EPHA3: variants seen among roughly 807,000 people sequenced by gnomAD.
The protein encoded by EPHA3 is ephrin type-A receptor 3.
EPHA3 carries 42 observed loss-of-function variants against 107.1 expected under a neutral mutation model. That is an observed-to-expected ratio of 0.39 (90% CI 0.31 to 0.51). EPHA3 has a LOEUF of 0.51. Ranked by LOEUF, EPHA3 falls within the 20% of genes least tolerant of loss-of-function variation. The pLI is 0.78. For synonymous variants in EPHA3, 461 were observed against 424.8 expected (o/e 1.09, Z -1.05); for missense variants, 1,183 against 1,211.2 (o/e 0.98, Z 0.35).
intron 2 of EPHA3, among the ~76,000 whole-genome samples, chr3:89,205,679 T>C (rs1382541172): frequency 6.6e-6 from 1 of 152,188 alleles, no homozygotes; most frequent in African/African-American, 2.4e-5. Context: ...CTTTTGTTTG[T>C]ATCCCCTTCT....
intron 1 of EPHA3, among the ~76,000 whole-genome samples, chr3:89,119,907 T>G (rs1049435573): frequency 3.9e-5 from 6 of 152,310 alleles, no homozygotes; most frequent in Non-Finnish European, 7.4e-5. Context: ...GAACTATGTT[T>G]ATTTCTAAAG....
intron 3 of EPHA3, among the ~76,000 whole-genome samples, chr3:89,239,297 G>A (rs1289588523): frequency 6.6e-6 from 1 of 152,136 alleles, no homozygotes; most frequent in Non-Finnish European, 1.5e-5. Context: ...TGAGGATAAA[G>A]CAACACAGGA....
intron 2 of EPHA3, among the ~76,000 whole-genome samples, chr3:89,157,360 C>A (rs987864874): frequency 6.6e-6 from 1 of 152,018 alleles, no homozygotes; most frequent in African/African-American, 2.4e-5. Context: ...TTCTATTTGA[C>A]CTTTATTAAC....
intron 3 of EPHA3, among the ~76,000 whole-genome samples, chr3:89,245,980 T>C (rs1411697915): frequency 1.3e-5 from 2 of 152,156 alleles, no homozygotes; most frequent in Non-Finnish European, 2.9e-5. Flanking sequence ...AGATCCACAG[T>C]TGGGTTTTGC....
At chr3:89,272,226 A>T (rs191528609) in intron 3 of EPHA3, among the ~76,000 whole-genome samples, 1 of 151,976 alleles carries the variant, frequency 6.6e-6, no homozygotes, top group African/African-American at 2.4e-5. Flanking sequence ...TAATTCCTGC[A>T]TTCATTGTTC....
intron 3 of EPHA3, among the ~76,000 whole-genome samples, chr3:89,331,377 G>A (rs1348138366): frequency 6.6e-6 from 1 of 152,064 alleles, no homozygotes; most frequent in South Asian, 2.1e-4. Flanking sequence ...AAAATATTAT[G>A]AGCATCTTTC....
chr3:89,191,834 A>T (rs1401583797), intron 2 of EPHA3, among the ~76,000 whole-genome samples: 1 of 152,064 alleles, frequency 6.6e-6, no homozygotes, highest in Non-Finnish European at 1.5e-5. Flanking sequence ...AAATGTTAAC[A>T]TTTTTCTTTA....
At chr3:89,111,405 GT>G (rs970955229) in intron 1 of EPHA3, among the ~76,000 whole-genome samples, 6 of 151,998 alleles carry the variant, frequency 3.9e-5, no homozygotes, top group African/African-American at 1.4e-4. Context: ...TTGGAAGAGG[GT>G]TTACATTTGC....
At chr3:89,356,396 G>A (rs1388940439) in intron 5 of EPHA3, among the ~76,000 whole-genome samples, 1 of 150,962 alleles carries the variant, frequency 6.6e-6, no homozygotes, top group Non-Finnish European at 1.5e-5. Context: ...CTAGATCCCT[G>A]AAGAATCGCC....
At chr3:89,219,728 AG>A (rs1298458417) in intron 3 of EPHA3, among the ~76,000 whole-genome samples, 1 of 9,896 alleles carries the variant, frequency 1.0e-4, no homozygotes, top group African/African-American at 1.7e-4. Context: ...TTTTTTTTTG[AG>A]ACGGAGTCTC....
rs936932954 is a variant in EPHA3 at position 89,480,376 on chromosome 3, T to C, written c.*874T>C. On this transcript the variant is annotated 3_prime_UTR_variant, in exon 17 of 17. Transcript: ENST00000336596. ...CTCTCAAATCTGTTATCCCAATCAT[T>C]GTTGCCTCTCCGTTTATTATAAACT... The C allele has an allele frequency of 4.3e-6, 1 of 233,196 alleles. No homozygotes were observed. The highest frequency in any genetic ancestry group is 2.2e-5 in the African/African-American group (1 of 45,336). 14.4% of individuals were successfully genotyped at this position (233,196 alleles called of 1,614,324 possible).
intron 3 of EPHA3, among the ~76,000 whole-genome samples, chr3:89,281,839 TA>T (rs1235231181): frequency 6.6e-6 from 1 of 152,174 alleles, no homozygotes; most frequent in Admixed American, 6.5e-5. Context: ...CTCTCGATTT[TA>T]TGCGCACTGT....
rs1429507162 is a variant in EPHA3, at chr3:89,341,999, C to T, written c.1215C>T (p.Tyr405=). The change falls in exon 5 of 17, where the codon TAC becomes TAT. Residue 405 remains tyrosine, a synonymous_variant. Coordinates refer to ENST00000336596, the MANE Select transcript of EPHA3 (RefSeq NM_005233.6). ...TVTDLLAHTN[Y]TFEIDAVNGV... ...CAGACCTTCTGGCACATACTAACTA[C>T]ACCTTTGAGATTGATGCCGTTAATG... 10 of 1,613,028 alleles carry T rather than the reference C, an allele frequency of 6.2e-6. No individual in the cohort carries two copies. The highest frequency in any genetic ancestry group is 8.5e-6 in the Non-Finnish European group (10 of 1,179,834).
At chr3:89,229,836 C>G (rs1204934725) in intron 3 of EPHA3, among the ~76,000 whole-genome samples, 1 of 151,758 alleles carries the variant, frequency 6.6e-6, no homozygotes, top group Non-Finnish European at 1.5e-5. Context: ...AGAACTTGAT[C>G]GTTTATTTTT....
chr3:89,123,516 C>A (rs1483974529), intron 1 of EPHA3, among the ~76,000 whole-genome samples: 1 of 152,184 alleles, frequency 6.6e-6, no homozygotes, highest in African/African-American at 2.4e-5. Context: ...TTCCTTCTTT[C>A]CAGATCTTAG....
intron 2 of EPHA3, among the ~76,000 whole-genome samples, chr3:89,167,160 T>C (rs1177566959): frequency 6.6e-6 from 1 of 152,202 alleles, no homozygotes; most frequent in Non-Finnish European, 1.5e-5. Flanking sequence ...ATTTTTATCA[T>C]GTACAACATA....
intron 5 of EPHA3, among the ~76,000 whole-genome samples, chr3:89,347,726 A>G (rs1414145636): frequency 2.7e-5 from 4 of 150,318 alleles, no homozygotes; most frequent in African/African-American, 7.3e-5. Flanking sequence ...GTTTTTGCCC[A>G]TTCAGTATGA....
chr3:89,154,753 G>T (rs1191628482), intron 2 of EPHA3, among the ~76,000 whole-genome samples: 3 of 150,462 alleles, frequency 2.0e-5, no homozygotes, highest in African/African-American at 7.3e-5. Context: ...TAAAAGGTTG[G>T]AACTTTAAAA....
At chr3:89,445,710 A>G (rs1384958630) in intron 13 of EPHA3, among the ~76,000 whole-genome samples, 1 of 152,214 alleles carries the variant, frequency 6.6e-6, no homozygotes, top group East Asian at 1.9e-4. Flanking sequence ...AGAGACAAAA[A>G]GGAAAAGTGT....
Sources: gnomAD v4.1 joint callset for allele counts (sites outside exome capture counted in the v4.1 genomes callset) on GRCh38, gnomAD v4.1.1 for gene constraint, MANE v1.5 for transcripts, NCBI Gene and HGNC (gene_info 2026-07-23, HGNC 2026-07-21) for gene names.